The following TCF4 variants were observed in gnomAD, a reference collection of about 807,000 sequenced individuals.
TCF4 encodes the protein transcription factor 4.
In TCF4, 3 loss-of-function variants were observed where a neutral mutation model predicts 82.1. That is an observed-to-expected ratio of 0.04 (90% CI 0.02 to 0.09). The LOEUF (loss-of-function observed/expected upper bound fraction) is 0.09. TCF4 is among the 10% of genes least tolerant of loss of function. The pLI is 1.00. For missense variants in TCF4, 518 were observed against 852.7 expected, an observed-to-expected ratio of 0.61 and a Z score of 4.89; for synonymous variants, 276 against 309.6, an observed-to-expected ratio of 0.89 and a Z score of 1.14.
At chr18:55,465,486 G>A (rs1391656136) in intron 3 of TCF4, among the ~76,000 whole-genome samples, 1 of 151,614 alleles carries the variant, frequency 6.6e-6, no homozygotes, top group East Asian at 1.9e-4. Flanking sequence ...AACACAAACT[G>A]CAAACAGATG....
At chr18:55,231,300 T>C (rs1457206405) in intron 17 of TCF4, 1 of 152,250 alleles carries the variant, frequency 6.6e-6, no homozygotes, top group Non-Finnish European at 1.5e-5. Flanking sequence ...TAGGAACTTT[T>C]CTTCCAAAGA....
intron 5 of TCF4, among the ~76,000 whole-genome samples, chr18:55,410,239 C>T (rs1287067687): frequency 2.0e-5 from 3 of 152,108 alleles, no homozygotes; most frequent in Non-Finnish European, 4.4e-5. Context: ...ATAGAATACT[C>T]AGTAATGGCC....
At chr18:55,579,803 GT>G (rs1159301562) in intron 3 of TCF4, among the ~76,000 whole-genome samples, 2 of 151,978 alleles carry the variant, frequency 1.3e-5, no homozygotes, top group Non-Finnish European at 2.9e-5. Flanking sequence ...AGGAGTAAAT[GT>G]TTGATCTTTA....
At chr18:55,591,573 A>G (rs573035384), upstream of TCF4, among the ~76,000 whole-genome samples, 386 of 152,296 alleles carry the variant, frequency 2.5e-3, 2 homozygotes, top group Non-Finnish European at 3.7e-3. Flanking sequence ...GCTGGAGTGC[A>G]ATGGCACGAT....
intron 3 of TCF4, among the ~76,000 whole-genome samples, chr18:55,565,304 T>C (rs2097394765): frequency 6.8e-6 from 1 of 147,312 alleles, no homozygotes; most frequent in Non-Finnish European, 1.5e-5. Context: ...ATGTTCAACA[T>C]TAAAAAAAAA....
chr18:55,555,580 T>C (rs1484566177), intron 3 of TCF4, among the ~76,000 whole-genome samples: 1 of 152,166 alleles, frequency 6.6e-6, no homozygotes, highest in Non-Finnish European at 1.5e-5. Flanking sequence ...CATAATGCAT[T>C]CCCTCAACAA....
chr18:55,234,521 A>G lies in TCF4; in HGVS notation c.1486+27T>C, dbSNP rs765029873. 6 of 1,614,192 alleles carry G rather than the reference A, an allele frequency of 3.7e-6. No individual in the cohort carries two copies. The East Asian group carries it at 1.3e-4, about 36-fold the overall frequency. On this transcript the variant is annotated intron_variant, in intron 16 of 19. Coordinates refer to ENST00000354452, the MANE Select transcript of TCF4 (RefSeq NM_001083962.2). ...CTGGTCCTATTGTGAAAGTGAGGTC[A>G]GAAGTGCCCTGGTGAGGCCAACCTA... is the stretch of plus-strand genomic sequence containing the variant.
Position 55,585,343 on chromosome 18 carries a change from G to A in TCF4, c.82C>T (p.Pro28Ser). 1 of 1,613,856 alleles carries A rather than the reference G, an allele frequency of 6.2e-7. No individual in the cohort carries two copies. The highest frequency in any genetic ancestry group is 8.5e-7 in the Non-Finnish European group (1 of 1,179,848). Residue 28 changes from proline to serine, a missense_variant, in exon 3 of 20, where the codon CCT (proline) becomes TCT (serine). This residue lies in a region of TCF4 where 19 missense variants were observed against 54.5 expected (regional missense o/e 0.35). Transcript: ENST00000354452. ...DLLDFSAMFS[P>S]PVSSGKNGPT... Reference sequence around the variant, plus strand: ...CCATTTTTCCCACTGCTCACAGGAGGTGAAAACATCTAAAAGAAACAAAGA... The same window carrying A: ...CCATTTTTCCCACTGCTCACAGGAGATGAAAACATCTAAAAGAAACAAAGA...
chr18:55,530,958 T>C (rs2097056144), intron 3 of TCF4, among the ~76,000 whole-genome samples: 1 of 151,928 alleles, frequency 6.6e-6, no homozygotes, highest in African/African-American at 2.4e-5. Flanking sequence ...TTTGCATTTT[T>C]TTTTTTTAAT....
chr18:55,269,456 T>C lies in TCF4; in HGVS notation c.922+375A>G, dbSNP rs182927649. The stretch of plus-strand genomic sequence containing the variant: ...AGAGCCTAGCACAATGACTGGAATT[T>C]TGGGAAGTGGTCAATAACTACCATT... On this transcript the variant is annotated intron_variant, in intron 11 of 19. Transcript: ENST00000354452. 201 of 314,276 alleles carry C rather than the reference T, an allele frequency of 6.4e-4. 1 individual carries two copies. Among genetic ancestry groups the C allele is most frequent in the Non-Finnish European group, 3.1e-4 (50 of 160,216 alleles). The allele number at this position is 314,276 out of a possible 1,614,324, so 19.5% of individuals were successfully genotyped here. A position where few individuals can be genotyped will look rare whatever the true frequency, so the allele number is the denominator to read the frequency against.
At chr18:55,591,368 C>G (rs2097685063), upstream of TCF4, 1 of 152,246 alleles carries the variant, frequency 6.6e-6, no homozygotes, top group Non-Finnish European at 1.5e-5. Context: ...ATTCCACTGG[C>G]TCTACCTCTA....
intron 8 of TCF4, among the ~76,000 whole-genome samples, chr18:55,280,649 C>T (rs1185332328): frequency 5.3e-5 from 8 of 152,124 alleles, no homozygotes; most frequent in Non-Finnish European, 1.2e-4. Context: ...CTTCCTGCCT[C>T]CATTTTGAAG....
chr18:55,540,844 C>G (rs1301858391), intron 3 of TCF4, among the ~76,000 whole-genome samples: 2 of 151,996 alleles, frequency 1.3e-5, no homozygotes, highest in South Asian at 2.1e-4. Context: ...CTTTCCACTT[C>G]AAAAATTCAA....
rs981648896 is a variant in TCF4 at position 55,372,536 on chromosome 18, T to C, written c.370-21533A>G. On this transcript the variant is annotated intron_variant, in intron 6 of 19. Coordinates refer to ENST00000354452, the MANE Select transcript of TCF4 (RefSeq NM_001083962.2). Reference sequence around the variant, plus strand: ...AATTTTATATGTAGCCAAACTTGCCTTCAAAAAGGTGAGCTAACTACAGGC... The same window carrying C: ...AATTTTATATGTAGCCAAACTTGCCCTCAAAAAGGTGAGCTAACTACAGGC... 4.6e-5 allele frequency among the ~76,000 whole-genome samples: 7 copies of C among 152,176 alleles called. No individual in the cohort carries two copies. In the South Asian group the frequency reaches 1.5e-3, roughly 32 times the overall value.
At chr18:55,546,552 C>T (rs2097208881) in intron 3 of TCF4, among the ~76,000 whole-genome samples, 4 of 152,058 alleles carry the variant, frequency 2.6e-5, no homozygotes. Flanking sequence ...AGCAGAAGCA[C>T]CGAAGTTGTA....
chr18:55,422,125 C>CA (rs555892552), intron 5 of TCF4: 33,116 of 317,974 alleles, frequency 0.1, 35 homozygotes, highest in Non-Finnish European at 0.12. Flanking sequence ...CACTATCATC[C>CA]AAAAAAAAAA....
At chr18:55,408,553 T>C (rs2146620853) in intron 5 of TCF4, among the ~76,000 whole-genome samples, 1 of 152,322 alleles carries the variant, frequency 6.6e-6, no homozygotes, top group East Asian at 1.9e-4. Context: ...TGCCTGCCTT[T>C]TCCTTCCCTG....
chr18:55,343,294 G>T (rs1476610452), intron 8 of TCF4, among the ~76,000 whole-genome samples: 4 of 152,094 alleles, frequency 2.6e-5, no homozygotes, highest in Admixed American at 2.6e-4. Context: ...TATGAAGAGA[G>T]CTTCACTACG....
At chr18:55,236,975 TAA>T (rs2144771507) in intron 15 of TCF4, among the ~76,000 whole-genome samples, 1 of 152,296 alleles carries the variant, frequency 6.6e-6, no homozygotes, top group East Asian at 1.9e-4. Context: ...TGACATAACT[TAA>T]GAGTAATGTT....
Sources: gnomAD v4.1 joint callset for allele counts (sites outside exome capture counted in the v4.1 genomes callset) on GRCh38, gnomAD v4.1.1 for gene constraint, gnomAD v4.1.1 regional missense constraint, MANE v1.5 for transcripts, NCBI Gene and HGNC (gene_info 2026-07-23, HGNC 2026-07-21) for gene names.